The following CCNY variants were observed in gnomAD, a reference collection of about 807,000 sequenced individuals.
The protein encoded by CCNY is cyclin-Y.
CCNY carries 19 observed loss-of-function variants against 42.8 expected under a neutral mutation model. That is an observed-to-expected ratio of 0.44 (90% CI 0.31 to 0.65). The LOEUF (loss-of-function observed/expected upper bound fraction) is 0.65. Ranked by LOEUF, CCNY falls within the 30% of genes least tolerant of loss-of-function variation. The probability of loss-of-function intolerance (pLI) is 0.07; values close to 1 mark genes in which losing one functional copy is unlikely to be tolerated. For synonymous variants in CCNY, 165 were observed against 162.7 expected (o/e 1.01, Z -0.11); for missense variants, 370 against 437.3 (o/e 0.85, Z 1.37).
At chr10:35,518,207 G>C (rs547633856) in intron 4 of CCNY, among the ~76,000 whole-genome samples, 2 of 152,336 alleles carry the variant, frequency 1.3e-5, no homozygotes, top group South Asian at 4.1e-4. Flanking sequence ...GTGACAATTT[G>C]ATAGTTCATC....
At chr10:35,338,726 T>C (rs1337721421) in intron 1 of CCNY, among the ~76,000 whole-genome samples, 1 of 152,244 alleles carries the variant, frequency 6.6e-6, no homozygotes, top group Non-Finnish European at 1.5e-5. Flanking sequence ...TAATGTCTTC[T>C]TTATGATGTG....
intron 1 of CCNY, among the ~76,000 whole-genome samples, chr10:35,453,750 A>G (rs927031097): frequency 8.5e-5 from 13 of 152,184 alleles, no homozygotes; most frequent in African/African-American, 2.7e-4. Context: ...GGCTCTTTGT[A>G]TATTGAAATA....
chr10:35,521,007 A>G (rs1258704794), intron 4 of CCNY, among the ~76,000 whole-genome samples: 3 of 152,192 alleles, frequency 2.0e-5, no homozygotes, highest in African/African-American at 4.8e-5. Flanking sequence ...AGCCCTGTCT[A>G]TGGCTCAGCC....
At chr10:35,451,826 AG>A (rs557218117) in intron 1 of CCNY, among the ~76,000 whole-genome samples, 1 of 152,128 alleles carries the variant, frequency 6.6e-6, no homozygotes, top group Non-Finnish European at 1.5e-5. Context: ...TGGCAGGGGC[AG>A]GGGGAGCGGT....
chr10:35,415,014 G>A (rs1236241674), intron 1 of CCNY, among the ~76,000 whole-genome samples: 1 of 152,206 alleles, frequency 6.6e-6, no homozygotes, highest in Non-Finnish European at 1.5e-5. Context: ...CTAGGCGGAG[G>A]GAACAGCAGG....
At chr10:35,524,984 T>TGGAAATA (rs562166273) in intron 4 of CCNY, among the ~76,000 whole-genome samples, 8 of 152,366 alleles carry the variant, frequency 5.3e-5, no homozygotes, top group Admixed American at 5.2e-4. Flanking sequence ...TTATAGGATG[T>TGGAAATA]ATCCTTGTGG....
intron 1 of CCNY, among the ~76,000 whole-genome samples, chr10:35,383,049 C>T (rs560723871): frequency 1.3e-5 from 2 of 152,064 alleles, no homozygotes; most frequent in Non-Finnish European, 2.9e-5. Context: ...GAACATGGAT[C>T]GAAAACGCAA....
intron 1 of CCNY, among the ~76,000 whole-genome samples, chr10:35,407,364 G>C (rs908043244): frequency 6.6e-6 from 1 of 152,032 alleles, no homozygotes; most frequent in Non-Finnish European, 1.5e-5. Flanking sequence ...AGAAAAGGAA[G>C]ATTCAAAAGA....
intron 1 of CCNY, among the ~76,000 whole-genome samples, chr10:35,417,830 T>G (rs150988860): frequency 6.6e-6 from 1 of 152,222 alleles, no homozygotes; most frequent in Non-Finnish European, 1.5e-5. Flanking sequence ...ATCCTGTCTC[T>G]GGGTTGACAG....
At chr10:35,305,776 A>G (rs1281749966) in intron 3 of CCNY, among the ~76,000 whole-genome samples, 1 of 152,188 alleles carries the variant, frequency 6.6e-6, no homozygotes, top group Non-Finnish European at 1.5e-5. Context: ...TGTACTGACA[A>G]TGGTGGAAGA....
intron 1 of CCNY, among the ~76,000 whole-genome samples, chr10:35,349,558 C>A: frequency 6.6e-6 from 1 of 152,300 alleles, no homozygotes; most frequent in African/African-American, 2.4e-5. Context: ...GGGTTTCTTT[C>A]TTGATTAGTC....
At chr10:35,444,408 C>T (rs1285840247) in intron 1 of CCNY, among the ~76,000 whole-genome samples, 2 of 152,074 alleles carry the variant, frequency 1.3e-5, no homozygotes, top group Non-Finnish European at 2.9e-5. Context: ...CCATCACGCC[C>T]AGCTAATTTT....
intron 1 of CCNY, among the ~76,000 whole-genome samples, chr10:35,247,807 T>C (rs1163198023): frequency 2.3e-5 from 3 of 131,280 alleles, no homozygotes; most frequent in African/African-American, 8.9e-5. Flanking sequence ...ACCCAGGAGG[T>C]GGAGCTTGCA....
In CCNY at chr10:35,370,238, G is replaced by A. The variant is rs1027453399; in HGVS notation, c.154+33031G>A. ...ACGATCTCGGCTCACTGCAAGCTCCGCTTCCCGGGTTCACTCCATTCTCCT... is the reference window on the plus strand; with the variant it reads ...ACGATCTCGGCTCACTGCAAGCTCCACTTCCCGGGTTCACTCCATTCTCCT... On this transcript the variant is annotated intron_variant, in intron 1 of 9. Coordinates refer to ENST00000374704, the MANE Select transcript of CCNY (RefSeq NM_145012.6). Among the ~76,000 whole-genome samples the A allele has an allele frequency of 1.1e-4, 16 of 151,140 alleles. No homozygotes were observed. In the East Asian group the frequency reaches 2.9e-3, roughly 28 times the overall value.
chr10:35,531,474 A>C (rs906527908), intron 7 of CCNY, among the ~76,000 whole-genome samples: 19 of 152,266 alleles, frequency 1.2e-4, no homozygotes, highest in African/African-American at 4.6e-4. Context: ...AGTAATCATT[A>C]GATGATTAGG....
At chr10:35,343,127 C>T (rs1884566) in intron 1 of CCNY, among the ~76,000 whole-genome samples, 43,489 of 150,302 alleles carry the variant, frequency 0.29, 6,539 homozygotes, top group Admixed American at 0.35. Flanking sequence ...CTCAGCCTCC[C>T]GAGTAGCTGA....
At chr10:35,270,068 A>C (rs1337486955) in intron 3 of CCNY, among the ~76,000 whole-genome samples, 1 of 152,038 alleles carries the variant, frequency 6.6e-6, no homozygotes, top group Admixed American at 6.6e-5. Context: ...AATGACCTTT[A>C]TTGTCCATAT....
intron 7 of CCNY, among the ~76,000 whole-genome samples, chr10:35,539,562 G>A (rs935477941): frequency 6.6e-6 from 1 of 152,178 alleles, no homozygotes; most frequent in African/African-American, 2.4e-5. Flanking sequence ...GCTGAGGAGG[G>A]TGGGTCACGA....
intron 1 of CCNY, among the ~76,000 whole-genome samples, chr10:35,427,815 A>G (rs1021819773): frequency 2.6e-5 from 4 of 152,156 alleles, no homozygotes; most frequent in African/African-American, 9.7e-5. Flanking sequence ...TGCAGGAAAG[A>G]GCAGCAAAAC....
Sources: gnomAD v4.1 joint callset for allele counts (sites outside exome capture counted in the v4.1 genomes callset) on GRCh38, gnomAD v4.1.1 for gene constraint, MANE v1.5 for transcripts, NCBI Gene and HGNC (gene_info 2026-07-23, HGNC 2026-07-21) for gene names.